The following PRUNE2 variants were observed in gnomAD, a reference collection of about 807,000 sequenced individuals.
PRUNE2 encodes the protein protein prune homolog 2.
In PRUNE2, 164 loss-of-function variants were observed where a neutral mutation model predicts 252.0. The observed-to-expected ratio is 0.65, with a 90% CI of 0.57 to 0.74. PRUNE2 has a LOEUF of 0.74. Ranked by LOEUF, PRUNE2 falls within the 30% of genes least tolerant of loss-of-function variation. PRUNE2 has a pLI of 0.00. For missense variants in PRUNE2, 3,495 were observed against 3,711.0 expected, an observed-to-expected ratio of 0.94 and a Z score of 1.51; for synonymous variants, 1,292 against 1,350.2, an observed-to-expected ratio of 0.96 and a Z score of 0.94.
chr9:76,820,901 C>T (rs573104875), intron 6 of PRUNE2, among the ~76,000 whole-genome samples: 1 of 152,048 alleles, frequency 6.6e-6, no homozygotes, highest in African/African-American at 2.4e-5. Flanking sequence ...AGCAAAGGGG[C>T]GAACTGCAAA....
At chr9:76,868,963 T>C (rs528801954) in intron 1 of PRUNE2, 17 of 152,198 alleles carry the variant, frequency 1.1e-4, no homozygotes, top group Admixed American at 3.3e-4. Context: ...AGCCTGCTGC[T>C]GTGCGGCACA....
At chr9:76,871,161 C>T (rs1467340796) in intron 1 of PRUNE2, among the ~76,000 whole-genome samples, 1 of 148,204 alleles carries the variant, frequency 6.7e-6, no homozygotes, top group Non-Finnish European at 1.5e-5. Flanking sequence ...TCATCCATAT[C>T]CCTGGGTTCA....
intron 11 of PRUNE2, among the ~76,000 whole-genome samples, chr9:76,650,858 T>G (rs1350607324): frequency 1.3e-5 from 2 of 152,144 alleles, no homozygotes; most frequent in African/African-American, 2.4e-5. Context: ...AAGGTTCAGA[T>G]GTGGTGTGAC....
chr9:76,732,656 T>C (rs12336287), intron 6 of PRUNE2, among the ~76,000 whole-genome samples: 9,684 of 152,264 alleles, frequency 0.064, 973 homozygotes, highest in African/African-American at 0.22. Context: ...TGATTTTTCC[T>C]GGGGCTTGAG....
intron 6 of PRUNE2, chr9:76,779,873 T>A (rs1408448839): frequency 6.6e-6 from 1 of 152,252 alleles, no homozygotes; most frequent in Non-Finnish European, 1.5e-5. Context: ...TTCCAAATGA[T>A]AAACTTTCCT....
intron 18 of PRUNE2, 102 bp downstream of exon 18, chr9:76,619,238 A>G (rs1831039066): frequency 1.3e-6 from 1 of 749,146 alleles, no homozygotes; most frequent in Non-Finnish European, 2.3e-6. Flanking sequence ...AAAGCTGAAC[A>G]TCTAAACAGG....
chr9:76,777,755 T>C (rs1259983424), intron 6 of PRUNE2, among the ~76,000 whole-genome samples: 4 of 152,110 alleles, frequency 2.6e-5, no homozygotes, highest in Admixed American at 6.5e-5. Context: ...ATAGAGAATA[T>C]CAGGGGAAAG....
intron 6 of PRUNE2, chr9:76,785,029 A>AT (rs911273281): frequency 2.6e-5 from 4 of 151,384 alleles, no homozygotes; most frequent in South Asian, 2.1e-4. Context: ...CCTTTGTTTG[A>AT]TTTTTTTTCC....
intron 1 of PRUNE2, among the ~76,000 whole-genome samples, chr9:76,894,459 G>A (rs762367545): frequency 1.6e-4 from 24 of 152,270 alleles, no homozygotes; most frequent in Non-Finnish European, 2.5e-4. Context: ...AGCCAGGCAC[G>A]TGTCCTGTCC....
intron 9 of PRUNE2, among the ~76,000 whole-genome samples, chr9:76,694,208 T>C (rs2045143191): frequency 6.6e-6 from 1 of 152,026 alleles, no homozygotes; most frequent in Admixed American, 6.6e-5. Context: ...AGCCTAGCTC[T>C]GTTGCCCAGG....
chr9:76,798,430 T>C (rs2056286994), intron 6 of PRUNE2, among the ~76,000 whole-genome samples: 1 of 152,220 alleles, frequency 6.6e-6, no homozygotes, highest in Non-Finnish European at 1.5e-5. Flanking sequence ...CCTCAAGTCC[T>C]CAAGGTTCAT....
At chr9:76,741,543 A>C (rs116030596) in intron 6 of PRUNE2, among the ~76,000 whole-genome samples, 1,793 of 152,302 alleles carry the variant, frequency 0.012, 34 homozygotes, top group African/African-American at 0.038. Context: ...CAAAAAGAAG[A>C]AGCAGAAAAG....
In PRUNE2 at chr9:76,707,598, G is replaced by T; in HGVS notation, c.4676C>A (p.Ser1559Tyr). Residue 1559 changes from serine (S) to tyrosine (Y), a missense_variant, in exon 8 of 19, where the codon TCC becomes TAC. Physicochemically the swap from Ser to Tyr is moderately radical, Grantham distance 144 (BLOSUM62 -2). Transcript: ENST00000376718. ...CCCAGAACTGGGTTGCTGGCCCCAGGAGGACAGTGCAACTGAAGAGTCATT... is the reference window on the plus strand; with the variant it reads ...CCCAGAACTGGGTTGCTGGCCCCAGTAGGACAGTGCAACTGAAGAGTCATT... The part of the protein sequence containing the change: ...ELNDSSVALS[S>Y]WGQQPSSGYQ... 1 of 1,613,924 alleles carries T rather than the reference G, an allele frequency of 6.2e-7. No homozygotes were observed. The highest frequency in any genetic ancestry group is 1.7e-5 in the Admixed American group (1 of 60,024).
rs748775791 is a variant in PRUNE2 at position 76,708,565 on chromosome 9, A to T, written c.3709T>A (p.Ser1237Thr). 3.7e-6 allele frequency: 6 copies of T among 1,613,808 alleles called. No individual in the cohort carries two copies. Among genetic ancestry groups the T allele is most frequent in the Non-Finnish European group, 5.1e-6 (6 of 1,179,902 alleles). The change falls in exon 8 of 19, where the codon TCC (serine) becomes ACC (threonine). Residue 1237 changes from serine (S) to threonine (T), a missense_variant. Ser to Thr is a moderately conservative substitution (Grantham distance 58). Transcript: ENST00000376718. ...KDMSSFMLPG[S>T]SHITDSEQRE... ...TGCTCTGAATCTGTGATATGTGAGGAGCCTGGTAACATGAATGATGACATG... is the reference window on the plus strand; with the variant it reads ...TGCTCTGAATCTGTGATATGTGAGGTGCCTGGTAACATGAATGATGACATG...
chr9:76,710,674 C>A lies in PRUNE2; in HGVS notation c.1600G>T (p.Ala534Ser). 6.2e-7 allele frequency: 1 copy of A among 1,611,698 alleles called. No homozygotes were observed. Reference protein sequence around the residue: ...NSDLSEGQLPAGPEGLDGMGT... With the variant: ...NSDLSEGQLPSGPEGLDGMGT... ...ATGCCATCAAGTCCTTCAGGCCCAG[C>A]GGGGAGCTGTCCTTCTGACAGGTCA... Residue 534 changes from alanine (A) to serine (S), a missense_variant, in exon 8 of 19, where the codon GCT becomes TCT. Coordinates refer to ENST00000376718, the MANE Select transcript of PRUNE2 (RefSeq NM_015225.3).
chr9:76,691,177 G>A (rs968074403), intron 9 of PRUNE2, among the ~76,000 whole-genome samples: 1 of 152,330 alleles, frequency 6.6e-6, no homozygotes, highest in African/African-American at 2.4e-5. Flanking sequence ...CCTGGAAGCT[G>A]CACTCACATA....
rs539041214 is a variant in PRUNE2 at position 76,705,649 on chromosome 9, C to T, written c.6625G>A (p.Gly2209Arg). 4 of 1,613,886 alleles carry T rather than the reference C, an allele frequency of 2.5e-6. No homozygotes were observed. Among genetic ancestry groups the T allele is most frequent in the Non-Finnish European group, 3.4e-6 (4 of 1,179,878 alleles). Residue 2209 changes from glycine to arginine, a missense_variant, in exon 8 of 19, where the codon GGA becomes AGA. Physicochemically the swap from Gly to Arg is moderately radical, Grantham distance 125 (BLOSUM62 -2). Coordinates refer to ENST00000376718, the MANE Select transcript of PRUNE2 (RefSeq NM_015225.3). The stretch of plus-strand genomic sequence containing the variant: ...ATTGGTGCCATATCTGGGCTGGCTC[C>T]TTTTTCTGATACTTGTAAACCTGTA... ...NSTGLQVSEKGASPDMAPILE... is the reference protein window; with the variant it reads ...NSTGLQVSEKRASPDMAPILE...
chr9:76,762,017 A>T (rs1434021563), intron 6 of PRUNE2, among the ~76,000 whole-genome samples: 3 of 152,222 alleles, frequency 2.0e-5, no homozygotes, highest in Non-Finnish European at 4.4e-5. Context: ...ACTGTCATAT[A>T]ACTTTAATGG....
chr9:76,630,168 A>G (rs1836854547), intron 15 of PRUNE2, among the ~76,000 whole-genome samples: 1 of 150,726 alleles, frequency 6.6e-6, no homozygotes, highest in African/African-American at 2.4e-5. Flanking sequence ...AAATCTTACC[A>G]TTAGTTCTTT....
Sources: gnomAD v4.1 joint callset for allele counts (sites outside exome capture counted in the v4.1 genomes callset) on GRCh38, gnomAD v4.1.1 for gene constraint, MANE v1.5 for transcripts, NCBI Gene and HGNC (gene_info 2026-07-23, HGNC 2026-07-21) for gene names.